ZC3H12B: variants seen among roughly 807,000 people sequenced by gnomAD.
ZC3H12B encodes probable ribonuclease ZC3H12B.
A neutral mutation model predicts 43.9 loss-of-function variants in ZC3H12B; 7 were observed. The observed-to-expected ratio is 0.16, with a 90% confidence interval of 0.09 to 0.30. ZC3H12B has a LOEUF of 0.30. Ranked by LOEUF, ZC3H12B falls within the 10% of genes least tolerant of loss-of-function variation. ZC3H12B has a pLI of 1.00. For missense variants in ZC3H12B, 475 were observed against 670.2 expected (o/e 0.71, Z 3.22); for synonymous variants, 222 against 241.7 (o/e 0.92, Z 0.76).
the ZC3H12B span, among the ~76,000 whole-genome samples, chrX:65,349,159 T>C: frequency 9.0e-6 from 1 of 111,000 alleles, no homozygotes; most frequent in African/African-American, 3.3e-5. Flanking sequence ...ATGGAAATCA[T>C]AACAGTCTCT....
chrX:65,097,705 C>T, the ZC3H12B span, among the ~76,000 whole-genome samples: 13 of 111,899 alleles, frequency 1.2e-4, no homozygotes, highest in African/African-American at 3.9e-4. Flanking sequence ...GAAAATGAAA[C>T]AAATAGAGGT....
chrX:65,116,925 T>C, the ZC3H12B span, among the ~76,000 whole-genome samples: 2 of 112,383 alleles, frequency 1.8e-5, no homozygotes, highest in African/African-American at 6.5e-5. Flanking sequence ...TTCCATGGTG[T>C]ATATGTGCCA....
At chrX:65,212,241 TTATTATATAA>T in the ZC3H12B span, among the ~76,000 whole-genome samples, 1 of 3,438 alleles carries the variant, frequency 2.9e-4, no homozygotes, top group African/African-American at 6.9e-4. Flanking sequence ...TATAGTATAA[TTATTATATAA>T]TATATAATAT....
At chrX:65,183,229 G>A in the ZC3H12B span, among the ~76,000 whole-genome samples, 2 of 111,539 alleles carry the variant, frequency 1.8e-5, no homozygotes, top group African/African-American at 3.3e-5. Flanking sequence ...AATTTTATGC[G>A]GCCATAAAAA....
intron 3 of ZC3H12B, among the ~76,000 whole-genome samples, chrX:65,407,782 T>C (rs2066851231): frequency 8.8e-6 from 1 of 113,380 alleles, no homozygotes; most frequent in African/African-American, 3.2e-5. Flanking sequence ...GTTGGAGCAC[T>C]GCCCCCGCGC....
At chrX:65,344,626 C>A in the ZC3H12B span, among the ~76,000 whole-genome samples, 1 of 111,911 alleles carries the variant, frequency 8.9e-6, no homozygotes, top group African/African-American at 3.2e-5. Context: ...TCAAAGACAG[C>A]CTCAGCATTA....
chrX:65,417,776 C>A (rs763150151), intron 3 of ZC3H12B, among the ~76,000 whole-genome samples: 1 of 113,004 alleles, frequency 8.8e-6, no homozygotes, highest in African/African-American at 3.2e-5. Flanking sequence ...GCATCCTGAG[C>A]ATTTCATTCT....
chrX:65,383,294 T>C (rs1276105196), intron 2 of ZC3H12B, among the ~76,000 whole-genome samples: 1 of 111,592 alleles, frequency 9.0e-6, no homozygotes, highest in African/African-American at 3.3e-5. Context: ...TCAGAATTAA[T>C]GCCGCATATC....
the ZC3H12B span, among the ~76,000 whole-genome samples, chrX:65,221,301 A>G: frequency 8.1e-5 from 9 of 111,717 alleles, no homozygotes; most frequent in African/African-American, 2.9e-4. Flanking sequence ...GAGCTAGAGA[A>G]ACAAACCCAA....
chrX:65,225,076 G>T, the ZC3H12B span, among the ~76,000 whole-genome samples: 1 of 111,965 alleles, frequency 8.9e-6, no homozygotes, highest in Non-Finnish European at 1.9e-5. Context: ...GCCTCCTCAA[G>T]TGGGTCCCTG....
At chrX:65,281,448 ACTC>A in the ZC3H12B span, among the ~76,000 whole-genome samples, 1 of 109,734 alleles carries the variant, frequency 9.1e-6, no homozygotes, top group Non-Finnish European at 1.9e-5. Flanking sequence ...TTGGTTTTGA[ACTC>A]CTGGCCTCAA....
At chrX:65,159,931 C>A in the ZC3H12B span, among the ~76,000 whole-genome samples, 15,929 of 111,114 alleles carry the variant, frequency 0.14, 2,738 homozygotes, top group African/African-American at 0.49. Context: ...TTTTGAGATA[C>A]GTCCCATCAA....
intron 3 of ZC3H12B, among the ~76,000 whole-genome samples, chrX:65,423,161 G>A (rs1038093192): frequency 9.1e-6 from 1 of 110,204 alleles, no homozygotes; most frequent in South Asian, 3.9e-4. Flanking sequence ...TTGATCTCCT[G>A]ACCTTGTGAT....
chrX:65,165,816 T>C, the ZC3H12B span, among the ~76,000 whole-genome samples: 1 of 112,175 alleles, frequency 8.9e-6, no homozygotes, highest in Admixed American at 9.5e-5. Context: ...TACCCAATAA[T>C]GGGATTGCTT....
the ZC3H12B span, among the ~76,000 whole-genome samples, chrX:65,138,016 G>T: frequency 1.8e-5 from 2 of 111,411 alleles, no homozygotes; most frequent in Non-Finnish European, 3.8e-5. Flanking sequence ...TTTTAGTAGA[G>T]ACAGAGTTTC....
At chrX:65,439,010 C>T (rs2067266375) in intron 3 of ZC3H12B, among the ~76,000 whole-genome samples, 1 of 112,610 alleles carries the variant, frequency 8.9e-6, no homozygotes, top group African/African-American at 3.2e-5. Flanking sequence ...CTACTTTTCT[C>T]AGGAGTCGGG....
At chrX:65,404,074 A>C (rs2066794772) in intron 3 of ZC3H12B, among the ~76,000 whole-genome samples, 1 of 112,193 alleles carries the variant, frequency 8.9e-6, no homozygotes, top group Admixed American at 9.4e-5. Context: ...TAGAAACAAA[A>C]AAGTTAAAAA....
At chrX:65,100,566 C>CAAAAAAAAAAAAAAAAAAAAAAAAAAA in the ZC3H12B span, among the ~76,000 whole-genome samples, 2 of 4,529 alleles carry the variant, frequency 4.4e-4, 1 homozygote, top group African/African-American at 1.7e-3. Flanking sequence ...AAAGATAAAG[C>CAAAAAAAAAAAAAAAAAAAAAAAAAAA]AAAAAAAAAA....
chrX:65,040,270 C>T, the ZC3H12B span, among the ~76,000 whole-genome samples: 1 of 110,393 alleles, frequency 9.1e-6, no homozygotes, highest in Non-Finnish European at 1.9e-5. Flanking sequence ...ATATTATATA[C>T]TAATATATGT....
Sources: gnomAD v4.1 joint callset for allele counts (sites outside exome capture counted in the v4.1 genomes callset) on GRCh38, gnomAD v4.1.1 for gene constraint, MANE v1.5 for transcripts, NCBI Gene and HGNC (gene_info 2026-07-23, HGNC 2026-07-21) for gene names.